The following CCDC102B variants were observed in gnomAD, a reference collection of about 807,000 sequenced individuals.
CCDC102B encodes coiled-coil domain containing 102B.
In CCDC102B, 75 loss-of-function variants were observed where a neutral mutation model predicts 57.4. The observed-to-expected ratio is 1.31, with a 90% CI of 1.08 to 1.58. CCDC102B has a LOEUF of 1.58. Ranked by LOEUF, CCDC102B falls within the 40% of genes most tolerant of loss-of-function variation. The probability of loss-of-function intolerance (pLI) is 0.00; values close to 1 mark genes in which losing one functional copy is unlikely to be tolerated. For synonymous variants in CCDC102B, 206 were observed against 201.9 expected (o/e 1.02, Z -0.17); for missense variants, 636 against 582.6 (o/e 1.09, Z -0.94).
chr18:68,836,344 G>T (rs2037364463), intron 1 of CCDC102B, among the ~76,000 whole-genome samples: 1 of 152,038 alleles, frequency 6.6e-6, no homozygotes, highest in African/African-American at 2.4e-5. Context: ...TATTGAAAAA[G>T]CACGGCCAGG....
At chr18:68,820,744 C>T (rs2036660691) in intron 1 of CCDC102B, among the ~76,000 whole-genome samples, 1 of 152,142 alleles carries the variant, frequency 6.6e-6, no homozygotes, top group African/African-American at 2.4e-5. Flanking sequence ...TCCACTCTAA[C>T]AGACATTGTG....
chr18:68,838,281 A>G (rs776769520), intron 2 of CCDC102B: 1 of 475,488 alleles, frequency 2.1e-6, no homozygotes, highest in Non-Finnish European at 2.7e-6. Flanking sequence ...TAAAATATTC[A>G]ACAGCTTCCT....
intron 6 of CCDC102B, among the ~76,000 whole-genome samples, chr18:68,923,866 G>T (rs376559652): frequency 2.6e-5 from 4 of 151,988 alleles, no homozygotes; most frequent in African/African-American, 7.2e-5. Context: ...TGAATATATG[G>T]ATCCTATGGG....
intron 1 of CCDC102B, among the ~76,000 whole-genome samples, chr18:68,822,712 G>C (rs549973769): frequency 3.9e-5 from 6 of 152,150 alleles, no homozygotes; most frequent in Admixed American, 3.9e-4. Flanking sequence ...CCACTTTAAA[G>C]TGAGAACATG....
At chr18:68,722,107 T>A (rs2145186804) in intron 2 of CCDC102B, among the ~76,000 whole-genome samples, 1 of 152,326 alleles carries the variant, frequency 6.6e-6, no homozygotes, top group Non-Finnish European at 1.5e-5. Flanking sequence ...TTCAAATGGC[T>A]TCTGAGAATT....
At chr18:68,773,766 A>G (rs1050185273) in intron 2 of CCDC102B, among the ~76,000 whole-genome samples, 1 of 152,024 alleles carries the variant, frequency 6.6e-6, no homozygotes, top group African/African-American at 2.4e-5. Flanking sequence ...TGAAATATAA[A>G]CATGTTGACT....
At chr18:68,793,720 A>C (rs779579381), upstream of CCDC102B, among the ~76,000 whole-genome samples, 1 of 152,166 alleles carries the variant, frequency 6.6e-6, no homozygotes, top group Non-Finnish European at 1.5e-5. Flanking sequence ...GGTCTTATTC[A>C]TTAATTTATT....
chr18:68,747,263 G>A (rs1289141217), intron 2 of CCDC102B, among the ~76,000 whole-genome samples: 1 of 151,770 alleles, frequency 6.6e-6, no homozygotes, highest in Non-Finnish European at 1.5e-5. Context: ...GTCATAATCA[G>A]TATTCTATTC....
chr18:68,921,022 C>T (rs2041259557), intron 6 of CCDC102B, among the ~76,000 whole-genome samples: 1 of 152,174 alleles, frequency 6.6e-6, no homozygotes, highest in Admixed American at 6.5e-5. Flanking sequence ...AAATGTTCTC[C>T]TCATCCAGAG....
intron 6 of CCDC102B, among the ~76,000 whole-genome samples, chr18:68,928,361 C>A (rs1475073312): frequency 6.6e-6 from 1 of 151,814 alleles, no homozygotes; most frequent in Non-Finnish European, 1.5e-5. Context: ...GAGACTCATC[C>A]TTATCCCTAG....
chr18:68,916,030 T>C (rs1035698443), intron 6 of CCDC102B, among the ~76,000 whole-genome samples: 1 of 152,172 alleles, frequency 6.6e-6, no homozygotes, highest in African/African-American at 2.4e-5. Context: ...TTATATATTA[T>C]AGGTATGAGA....
chr18:68,965,134 T>G (rs2050136187), intron 6 of CCDC102B, among the ~76,000 whole-genome samples: 1 of 152,014 alleles, frequency 6.6e-6, no homozygotes. Flanking sequence ...TAATTTCTTC[T>G]AGTACATTTT....
intron 7 of CCDC102B, among the ~76,000 whole-genome samples, chr18:69,027,747 C>T (rs1237422420): frequency 6.6e-6 from 1 of 151,280 alleles, no homozygotes; most frequent in East Asian, 1.9e-4. Flanking sequence ...CTTATTTTTC[C>T]TTGAACAGTG....
chr18:68,850,056 G>C (rs1012227286), intron 4 of CCDC102B, among the ~76,000 whole-genome samples: 1 of 152,074 alleles, frequency 6.6e-6, no homozygotes, highest in Admixed American at 6.6e-5. Flanking sequence ...GTACTCATTT[G>C]TATAGCAATA....
At chr18:68,825,019 C>G (rs1477477404) in intron 1 of CCDC102B, among the ~76,000 whole-genome samples, 1 of 152,164 alleles carries the variant, frequency 6.6e-6, no homozygotes, top group Non-Finnish European at 1.5e-5. Context: ...TTCTCTGTCT[C>G]TTTTTCTTTC....
chr18:68,845,859 A>G (rs2037832982), intron 3 of CCDC102B, among the ~76,000 whole-genome samples: 1 of 151,734 alleles, frequency 6.6e-6, no homozygotes, highest in African/African-American at 2.4e-5. Flanking sequence ...TCCCCAGTAA[A>G]TGACTATTTT....
chr18:68,763,284 T>C (rs1334987654), intron 2 of CCDC102B, among the ~76,000 whole-genome samples: 3 of 152,134 alleles, frequency 2.0e-5, no homozygotes, highest in Non-Finnish European at 4.4e-5. Context: ...AGATTACTTA[T>C]GTTAGTCACA....
At chr18:68,950,574 T>A (rs2049668323) in intron 6 of CCDC102B, among the ~76,000 whole-genome samples, 1 of 152,130 alleles carries the variant, frequency 6.6e-6, no homozygotes, top group Admixed American at 6.6e-5. Context: ...CTAAAGTGTC[T>A]ATTATATTTC....
intron 6 of CCDC102B, among the ~76,000 whole-genome samples, chr18:69,001,136 G>A (rs115444590): frequency 6.6e-6 from 1 of 152,060 alleles, no homozygotes; most frequent in East Asian, 1.9e-4. Flanking sequence ...TGCCCAGAGA[G>A]ACTTCCTCTC....
Sources: gnomAD v4.1 joint callset for allele counts (sites outside exome capture counted in the v4.1 genomes callset) on GRCh38, gnomAD v4.1.1 for gene constraint, MANE v1.5 for transcripts, NCBI Gene and HGNC (gene_info 2026-07-23, HGNC 2026-07-21) for gene names.